MEIS2: variants seen among roughly 807,000 people sequenced by gnomAD.
MEIS2 encodes homeobox protein Meis2.
A neutral mutation model predicts 58.6 loss-of-function variants in MEIS2; 9 were observed. That is an observed-to-expected ratio of 0.15 (90% CI 0.09 to 0.27). The LOEUF is 0.27. Ranked by LOEUF, MEIS2 falls within the 10% of genes least tolerant of loss-of-function variation. The probability of loss-of-function intolerance (pLI) is 1.00; values close to 1 mark genes in which losing one functional copy is unlikely to be tolerated. For missense variants in MEIS2, 427 were observed against 635.0 expected, an observed-to-expected ratio of 0.67 and a Z score of 3.52; for synonymous variants, 221 against 228.4, an observed-to-expected ratio of 0.97 and a Z score of 0.29.
intron 8 of MEIS2, among the ~76,000 whole-genome samples, chr15:37,033,085 A>G (rs1163630129): frequency 6.6e-6 from 1 of 152,194 alleles, no homozygotes; most frequent in Non-Finnish European, 1.5e-5. Flanking sequence ...GATTTTTGTC[A>G]TATTGAGACT....
At chr15:36,972,062 C>T (rs1015011109) in intron 8 of MEIS2, among the ~76,000 whole-genome samples, 2 of 152,086 alleles carry the variant, frequency 1.3e-5, no homozygotes, top group African/African-American at 2.4e-5. Context: ...GTAACAGAAA[C>T]TATAAATGTA....
chr15:36,975,509 G>A (rs1212476918), intron 8 of MEIS2, among the ~76,000 whole-genome samples: 1 of 133,412 alleles, frequency 7.5e-6, no homozygotes, highest in African/African-American at 2.8e-5. Flanking sequence ...TTTACTGAAC[G>A]TCTACCATGT....
intron 8 of MEIS2, among the ~76,000 whole-genome samples, chr15:36,972,383 T>C (rs1157433300): frequency 6.6e-6 from 1 of 152,174 alleles, no homozygotes; most frequent in Non-Finnish European, 1.5e-5. Context: ...TTTGTCACTC[T>C]ACTGCTTGGC....
intron 9 of MEIS2, among the ~76,000 whole-genome samples, chr15:36,933,224 T>C (rs16964362): frequency 0.051 from 7,829 of 152,174 alleles, 450 homozygotes; most frequent in East Asian, 0.17. Flanking sequence ...CTTGAACAAG[T>C]AGGAACACTA....
At chr15:37,095,494 C>T in intron 4 of MEIS2, 70 bp downstream of exon 4, 1 of 1,608,710 alleles carries the variant, frequency 6.2e-7, no homozygotes, top group Admixed American at 1.7e-5. Flanking sequence ...AGAGCTCCAG[C>T]AGAAAGTGGG....
At chr15:36,947,586 T>C (rs151170650) in intron 9 of MEIS2, among the ~76,000 whole-genome samples, 1 of 152,092 alleles carries the variant, frequency 6.6e-6, no homozygotes, top group African/African-American at 2.4e-5. Context: ...CCGCAAGTCT[T>C]CCATGATTGT....
intron 8 of MEIS2, among the ~76,000 whole-genome samples, chr15:36,997,369 A>T (rs143282005): frequency 6.6e-6 from 1 of 152,174 alleles, no homozygotes; most frequent in Non-Finnish European, 1.5e-5. Context: ...GAAAGAATGA[A>T]CATTTTGCTA....
At chr15:36,989,521 C>T (rs2060199912) in intron 8 of MEIS2, among the ~76,000 whole-genome samples, 1 of 152,182 alleles carries the variant, frequency 6.6e-6, no homozygotes, top group South Asian at 2.1e-4. Context: ...ACAGGGTCAG[C>T]TCGGACTACA....
At position 36,981,577 on chromosome 15, in the gene MEIS2, C is replaced by CGT. The variant is rs2059929130; in HGVS notation, c.901-31179_901-31178dup. 7.3e-5 allele frequency among the ~76,000 whole-genome samples: 11 copies of CGT among 151,696 alleles called. No homozygotes were observed. The South Asian group carries it at 2.3e-3, about 32-fold the overall frequency. Reference sequence around the variant, plus strand: ...TGTGAGGCTTTGATATGTGAGTGGGCGTGTGTGTGTGCGTGCTTGCATGTG... The same window carrying CGT: ...TGTGAGGCTTTGATATGTGAGTGGGCGTGTGTGTGTGTGCGTGCTTGCATGTG... On this transcript the variant is annotated intron_variant, in intron 8 of 11. Transcript: ENST00000561208.
chr15:36,963,380 A>C lies in MEIS2; in HGVS notation c.901-12980T>G, dbSNP rs1595821456. Among the ~76,000 whole-genome samples, 3 of 47,440 alleles carry C rather than the reference A, an allele frequency of 6.3e-5. No individual in the cohort carries two copies. In the South Asian group the frequency reaches 2.5e-3, roughly 39 times the overall value. 31.1% of individuals were successfully genotyped at this position (47,440 alleles called of 152,430 possible). A position where few individuals can be genotyped will look rare whatever the true frequency, so the allele number is the denominator to read the frequency against. ...GGGTGACAGTGCGAGACTCCATCTC[A>C]AAAAAAAAAAAAAAAGAGTGAAACT... On this transcript the variant is annotated intron_variant, in intron 8 of 11. Transcript: ENST00000561208.
At chr15:37,081,315 C>T (rs2141908243) in intron 7 of MEIS2, among the ~76,000 whole-genome samples, 1 of 152,238 alleles carries the variant, frequency 6.6e-6, no homozygotes, top group Non-Finnish European at 1.5e-5. Context: ...ATATTTAATA[C>T]TAAGGACATA....
chr15:36,920,871 A>G (rs2057478818), intron 9 of MEIS2, among the ~76,000 whole-genome samples: 2 of 152,192 alleles, frequency 1.3e-5, no homozygotes, highest in South Asian at 4.1e-4. Context: ...GGAACTGACC[A>G]GTCTGACAAA....
intron 9 of MEIS2, among the ~76,000 whole-genome samples, chr15:36,910,411 A>G (rs772438065): frequency 5.9e-5 from 9 of 152,124 alleles, no homozygotes; most frequent in Non-Finnish European, 1.3e-4. Flanking sequence ...CACAGCCTTT[A>G]ATAGAGTGAT....
At chr15:36,900,683 G>A (rs545342403) in intron 9 of MEIS2, among the ~76,000 whole-genome samples, 1 of 152,252 alleles carries the variant, frequency 6.6e-6, no homozygotes, top group Non-Finnish European at 1.5e-5. Flanking sequence ...CTATTTCCCA[G>A]AGACCTCTCC....
intron 9 of MEIS2, among the ~76,000 whole-genome samples, chr15:36,947,480 C>T (rs1216330705): frequency 6.6e-6 from 1 of 151,976 alleles, no homozygotes; most frequent in Admixed American, 6.6e-5. Context: ...TGTTCCATCG[C>T]TTGTTACTAC....
intron 9 of MEIS2, among the ~76,000 whole-genome samples, chr15:36,908,033 ATAT>A (rs1306307997): frequency 1.3e-5 from 2 of 152,140 alleles, no homozygotes; most frequent in East Asian, 3.8e-4. Flanking sequence ...TTATGAAAAC[ATAT>A]TATATTATGT....
intron 6 of MEIS2, among the ~76,000 whole-genome samples, chr15:37,091,326 T>C (rs1893486805): frequency 6.6e-6 from 1 of 152,206 alleles, no homozygotes; most frequent in Admixed American, 6.5e-5. Context: ...AATACAAGTC[T>C]GTGGCAAATC....
In MEIS2 at chr15:36,972,656, T is replaced by G. The variant is rs531887601; in HGVS notation, c.901-22256A>C. On this transcript the variant is annotated intron_variant, in intron 8 of 11. Transcript: ENST00000561208. ...CTTTCAATAGTGTACTCTGATATGA[T>G]TCAAAGGAACCCCAGGGACCAACAC... 9.7e-4 allele frequency among the ~76,000 whole-genome samples: 148 copies of G among 152,314 alleles called. 3 individuals carry two copies. Among genetic ancestry groups the G allele is most frequent in the Non-Finnish European group, 3.1e-4 (21 of 68,024 alleles).
intron 8 of MEIS2, among the ~76,000 whole-genome samples, chr15:37,014,505 G>A (rs546477062): frequency 1.3e-5 from 2 of 152,068 alleles, no homozygotes; most frequent in Admixed American, 6.5e-5. Flanking sequence ...TAAGAATGGG[G>A]GATAAAAATC....
Sources: allele counts gnomAD v4.1 joint callset (sites outside exome capture counted in the v4.1 genomes callset), GRCh38; gene constraint gnomAD v4.1.1; transcripts MANE v1.5; gene names NCBI Gene and HGNC (gene_info 2026-07-23, HGNC 2026-07-21).